Variants in KCNAB2 observed in about 807,000 individuals in gnomAD.
The protein encoded by KCNAB2 is potassium voltage-gated channel subfamily A regulatory beta subunit 2.
In KCNAB2, 29 loss-of-function variants were observed where a neutral mutation model predicts 63.6. The ratio of observed to expected loss-of-function variants is 0.46; its 90% CI spans 0.34 to 0.62. KCNAB2 has a LOEUF of 0.62. Ranked by LOEUF, KCNAB2 falls within the 20% of genes least tolerant of loss-of-function variation. The pLI, the probability that KCNAB2 is intolerant of heterozygous loss-of-function variation, is 0.01. For missense variants in KCNAB2, 359 were observed against 563.9 expected (o/e 0.64, Z 3.68); for synonymous variants, 222 against 224.2 (o/e 0.99, Z 0.09).
At chr1:6,089,852 C>T (rs1665032554) in intron 8 of KCNAB2, among the ~76,000 whole-genome samples, 1 of 152,214 alleles carries the variant, frequency 6.6e-6, no homozygotes, top group South Asian at 2.1e-4. Flanking sequence ...TGCCCACCAC[C>T]ACATCTGGTT....
chr1:6,043,287 C>G (rs910279512), upstream of KCNAB2, among the ~76,000 whole-genome samples: 2 of 151,130 alleles, frequency 1.3e-5, no homozygotes, highest in Admixed American at 6.6e-5. Flanking sequence ...GGGCTGCCCA[C>G]AGGTACAGAC....
rs1665613657 is a variant in KCNAB2 at position 6,096,139 on chromosome 1, G to T, written c.949-497G>T. On this transcript the variant is annotated intron_variant, in intron 13 of 15. Coordinates refer to ENST00000378083, the MANE Select transcript of KCNAB2 (RefSeq NM_001199862.2). This position sits in a 1 kb window ranked among gnomAD's most constrained non-coding sequence, Gnocchi z 5.9. The stretch of plus-strand genomic sequence containing the variant: ...TGCCCAGCCAGCAGTCTCAGCACTG[G>T]GGCCCACAGCCCTGGGTTCCAGGGC... 1 of 457,450 alleles carries T rather than the reference G, an allele frequency of 2.2e-6. No homozygotes were observed. The highest frequency in any genetic ancestry group is 4.4e-6 in the Non-Finnish European group (1 of 227,872). 28.3% of individuals were successfully genotyped at this position (457,450 alleles called of 1,614,324 possible).
chr1:6,098,713 A>G lies in KCNAB2; in HGVS notation c.*139A>G, dbSNP rs1299951455. On this transcript the variant is annotated 3_prime_UTR_variant, in exon 16 of 16. Coordinates refer to ENST00000378083, the MANE Select transcript of KCNAB2 (RefSeq NM_001199862.2). ...CACACTGTGATGTCATCGGGAAATG[A>G]TCTCCCAAGTCGCTGCCAGACACCA... The G allele has an allele frequency of 5.3e-6, 6 of 1,122,728 alleles. No homozygotes were observed. The highest frequency in any genetic ancestry group is 1.6e-5 in the African/African-American group (1 of 63,750). The allele number at this position is 1,122,728 out of a possible 1,614,324, so 69.5% of individuals were successfully genotyped here.
chr1:6,032,978 G>A (rs566620604), upstream of KCNAB2, among the ~76,000 whole-genome samples: 1 of 152,224 alleles, frequency 6.6e-6, no homozygotes, highest in African/African-American at 2.4e-5. Context: ...TGTGAGCCTT[G>A]AATGGATCCC....
In KCNAB2 at chr1:6,098,061, A is replaced by G. The variant is rs1041087717; in HGVS notation, c.1159-424A>G. ...AAGGTGGGGCCCCCGGGACTGGCTGACAAACTGGATGTGGGGGTGAGAAGG... is the reference window on the plus strand; with the variant it reads ...AAGGTGGGGCCCCCGGGACTGGCTGGCAAACTGGATGTGGGGGTGAGAAGG... On this transcript the variant is annotated intron_variant, in intron 15 of 15. Transcript: ENST00000378083. 39 of 689,098 alleles carry G rather than the reference A, an allele frequency of 5.7e-5. No homozygotes were observed. In the African/African-American group the frequency reaches 7.6e-4, roughly 13 times the overall value. The allele number at this position is 689,098 out of a possible 1,614,324, so 42.7% of individuals were successfully genotyped here. A position where few individuals can be genotyped will look rare whatever the true frequency, so the allele number is the denominator to read the frequency against.
rs1657347845 is a variant in KCNAB2 at position 6,003,045 on chromosome 1, C to G, written c.-53+10257C>G. Among the ~76,000 whole-genome samples the G allele has an allele frequency of 6.6e-6, 1 of 152,210 alleles. No homozygotes were observed. Among genetic ancestry groups the G allele is most frequent in the Non-Finnish European group, 1.5e-5 (1 of 68,018 alleles). ...GTCACACAGCTACCAGAGGACAGAG[C>G]TAGAACATGACCGCAGCAGACGCCT... is the stretch of plus-strand genomic sequence containing the variant. On this transcript the variant is annotated intron_variant, in intron 1 of 16. Coordinates refer to the KCNAB2 transcript ENST00000341524. This position sits in a 1 kb window ranked among gnomAD's most constrained non-coding sequence, Gnocchi z 4.1.
chr1:6,055,425 G>A (rs1364568181), intron 2 of KCNAB2, among the ~76,000 whole-genome samples: 3 of 149,088 alleles, frequency 2.0e-5, no homozygotes, highest in Non-Finnish European at 4.4e-5. Context: ...GCACAGTCTC[G>A]GCTCACTACA....
chr1:6,070,445 T>C (rs1351930931), intron 2 of KCNAB2, among the ~76,000 whole-genome samples: 1 of 152,160 alleles, frequency 6.6e-6, no homozygotes, highest in African/African-American at 2.4e-5. Context: ...TGGGCTGTTC[T>C]CCCCAGCAGC....
chr1:6,007,491 G>C (rs1011792803), intron 1 of KCNAB2: 3 of 146,150 alleles, frequency 2.1e-5, no homozygotes, highest in Admixed American at 6.8e-5. Flanking sequence ...GGCTCCATCC[G>C]TGGGGAGCCG....
chr1:6,030,527 A>ATG (rs35807332), upstream of KCNAB2, among the ~76,000 whole-genome samples: 114 of 147,874 alleles, frequency 7.7e-4, 1 homozygote, highest in South Asian at 6.3e-4. Context: ...GTATGTGTGT[A>ATG]TGTGTGTGTA....
chr1:6,097,803 G>A (rs902889270), intron 15 of KCNAB2: 5 of 347,922 alleles, frequency 1.4e-5, no homozygotes, highest in African/African-American at 1.0e-4. Context: ...GGAGCAGAGG[G>A]GCAGATCCTG....
At chr1:6,038,869 G>A (rs1009317873) in intron 1 of KCNAB2, among the ~76,000 whole-genome samples, 3 of 152,246 alleles carry the variant, frequency 2.0e-5, no homozygotes, top group Non-Finnish European at 4.4e-5. Flanking sequence ...CTGTGGATGG[G>A]CGGGGCTGTT....
At chr1:6,060,347 A>C (rs1339915025) in intron 2 of KCNAB2, among the ~76,000 whole-genome samples, 1 of 152,208 alleles carries the variant, frequency 6.6e-6, no homozygotes, top group African/African-American at 2.4e-5. Context: ...CACTCACAGC[A>C]CTTAGCCCCT....
chr1:6,032,004 G>T (rs1659659946), upstream of KCNAB2, among the ~76,000 whole-genome samples: 1 of 152,116 alleles, frequency 6.6e-6, no homozygotes, highest in Non-Finnish European at 1.5e-5. Flanking sequence ...GGGCACTATG[G>T]GCCTTCCATC....
At chr1:6,042,643 T>G (rs1660585744), upstream of KCNAB2, among the ~76,000 whole-genome samples, 1 of 152,092 alleles carries the variant, frequency 6.6e-6, no homozygotes, top group African/African-American at 2.4e-5. Flanking sequence ...TGGGACTGTT[T>G]GGGGAATTGG....
intron 1 of KCNAB2, among the ~76,000 whole-genome samples, chr1:6,025,079 C>G (rs1659058901): frequency 6.6e-6 from 1 of 152,146 alleles, no homozygotes; most frequent in African/African-American, 2.4e-5. Flanking sequence ...TCTCCCTTCT[C>G]CCTCCTGTTT....
At chr1:5,995,637 C>A (rs1656899695) in intron 1 of KCNAB2, among the ~76,000 whole-genome samples, 1 of 152,180 alleles carries the variant, frequency 6.6e-6, no homozygotes, top group East Asian at 1.9e-4. Context: ...AAAGAGATGG[C>A]CCCATAGTTA....
intron 2 of KCNAB2, among the ~76,000 whole-genome samples, chr1:6,068,478 A>G (rs1662933663): frequency 6.6e-6 from 1 of 152,178 alleles, no homozygotes; most frequent in South Asian, 2.1e-4. Flanking sequence ...AGGGACCCCC[A>G]TCTCTCCAGT....
At chr1:5,998,147 C>G (rs1211624193) in intron 1 of KCNAB2, among the ~76,000 whole-genome samples, 1 of 152,266 alleles carries the variant, frequency 6.6e-6, no homozygotes, top group Non-Finnish European at 1.5e-5. Flanking sequence ...GAGGACCAGG[C>G]AGGCTGGATG....
Sources: allele counts gnomAD v4.1 joint callset (sites outside exome capture counted in the v4.1 genomes callset), GRCh38; gene constraint gnomAD v4.1.1; non-coding constraint Gnocchi (gnomAD v3.1); transcripts MANE v1.5; gene names NCBI Gene and HGNC (gene_info 2026-07-23, HGNC 2026-07-21).